The following CRTC1 variants were observed in gnomAD, a reference collection of about 807,000 sequenced individuals.
CRTC1 encodes CREB-regulated transcription coactivator 1.
Under a neutral mutation model 66.1 loss-of-function variants are expected in CRTC1, and 18 were observed. The ratio of observed to expected loss-of-function variants is 0.27; its 90% CI spans 0.19 to 0.40. CRTC1 has a LOEUF of 0.40. CRTC1 is among the 10% of genes least tolerant of loss of function. The pLI is 1.00. For synonymous variants in CRTC1, 416 were observed against 398.8 expected (o/e 1.04, Z -0.51); for missense variants, 669 against 887.9 (o/e 0.75, Z 3.13).
intron 1 of CRTC1, among the ~76,000 whole-genome samples, chr19:18,698,916 G>A (rs1461399469): frequency 6.6e-6 from 1 of 151,920 alleles, no homozygotes; most frequent in Non-Finnish European, 1.5e-5. Context: ...CTCAGCAGGT[G>A]CACAGTGTGT....
At chr19:18,753,390 C>T in intron 5 of CRTC1, 110 bp from the exon 6 acceptor site, 1 of 764,102 alleles carries the variant, frequency 1.3e-6, no homozygotes, top group South Asian at 1.7e-5. Context: ...CAGTTGCAGT[C>T]TTACCATGGC....
In CRTC1 at chr19:18,742,786, C is replaced by T. The variant is rs140868731; in HGVS notation, c.127-124C>T. 612 of 711,242 alleles carry T rather than the reference C, an allele frequency of 8.6e-4. No individual in the cohort carries two copies. The African/African-American group carries it at 9.2e-3, about 11-fold the overall frequency. 44.1% of individuals were successfully genotyped at this position (711,242 alleles called of 1,614,324 possible). A position where few individuals can be genotyped will look rare whatever the true frequency, so the allele number is the denominator to read the frequency against. ...CCTTAAGCATCTGGGTCATGAGGTC[C>T]TGCAAACTTCTGCACTTAGGCTGTC... On this transcript the variant is annotated intron_variant, in intron 1 of 13. Coordinates refer to ENST00000321949, the MANE Select transcript of CRTC1 (RefSeq NM_015321.3).
intron 1 of CRTC1, among the ~76,000 whole-genome samples, chr19:18,688,065 G>A (rs1400350385): frequency 6.6e-6 from 1 of 152,092 alleles, no homozygotes; most frequent in East Asian, 1.9e-4. Flanking sequence ...CAAGAGCCTG[G>A]GGTGCTGGGG....
chr19:18,694,599 A>T (rs972372469), intron 1 of CRTC1, among the ~76,000 whole-genome samples: 1 of 151,924 alleles, frequency 6.6e-6, no homozygotes, highest in African/African-American at 2.4e-5. Context: ...TGCCCGGCTA[A>T]TTTTTTTATT....
chr19:18,688,878 C>G (rs1020693820), intron 1 of CRTC1, among the ~76,000 whole-genome samples: 1 of 152,090 alleles, frequency 6.6e-6, no homozygotes, highest in African/African-American at 2.4e-5. Context: ...AGACCCTGTC[C>G]CCATCAACAG....
At position 18,745,926 on chromosome 19, in the gene CRTC1, G is replaced by A. The variant is rs761282462; in HGVS notation, c.347G>A (p.Arg116His). The A allele has an allele frequency of 6.2e-6, 10 of 1,612,408 alleles. No homozygotes were observed. The Admixed American group carries it at 6.7e-5, about 11-fold the overall frequency. The change falls in exon 3 of 14, where the codon CGC becomes CAC. Residue 116 changes from arginine (R) to histidine (H), a missense_variant. This residue lies in a region of CRTC1 where 214 missense variants were observed against 323.4 expected (regional missense o/e 0.66). Coordinates refer to ENST00000321949, the MANE Select transcript of CRTC1 (RefSeq NM_015321.3). ...RERGRLGSPH[R>H]RPLSVDKHGR... ...CGTGGCCGGCTCGGCTCCCCACACCGCCGGCCCCTGTCAGTGGACAAACAC... is the reference window on the plus strand; with the variant it reads ...CGTGGCCGGCTCGGCTCCCCACACCACCGGCCCCTGTCAGTGGACAAACAC...
chr19:18,708,464 G>A (rs1292413542), intron 1 of CRTC1, among the ~76,000 whole-genome samples: 1 of 152,178 alleles, frequency 6.6e-6, no homozygotes, highest in Non-Finnish European at 1.5e-5. Context: ...TCAGCATCAG[G>A]AAGATCATGG....
At chr19:18,720,384 C>T (rs371370330) in intron 1 of CRTC1, among the ~76,000 whole-genome samples, 1 of 151,974 alleles carries the variant, frequency 6.6e-6, no homozygotes, top group Non-Finnish European at 1.5e-5. Context: ...CAGTCTCGCT[C>T]TGTCACCCAG....
intron 9 of CRTC1, among the ~76,000 whole-genome samples, chr19:18,765,842 T>C (rs2054721345): frequency 3.3e-5 from 5 of 151,880 alleles, no homozygotes; most frequent in Admixed American, 3.3e-4. Context: ...GCGCCTGTGG[T>C]CCCAGCTACT....
In CRTC1 at chr19:18,747,129, A is replaced by ACCCCCCCCCCCCCC. The variant is rs56040769; in HGVS notation, c.443+25_443+26insCCCCCCCCCCCCCC. The stretch of plus-strand genomic sequence containing the variant: ...AGCTGGAGAAGGTCAGTGGCTGGAC[A>ACCCCCCCCCCCCCC]CCCCCCCCCCGCCCCCTTCTTGTTG... On this transcript the variant is annotated intron_variant, in intron 4 of 13. Transcript: ENST00000321949. 3.6e-5 allele frequency: 40 copies of ACCCCCCCCCCCCCC among 1,109,934 alleles called. No individual in the cohort carries two copies. The highest frequency in any genetic ancestry group is 5.4e-4 in the Middle Eastern group (2 of 3,712). 68.8% of individuals were successfully genotyped at this position (1,109,934 alleles called of 1,614,324 possible).
At chr19:18,734,428 A>G (rs2053954115) in intron 1 of CRTC1, among the ~76,000 whole-genome samples, 2 of 151,338 alleles carry the variant, frequency 1.3e-5, no homozygotes, top group African/African-American at 2.4e-5. Context: ...GGCCGGGCAC[A>G]GTGGCTTACA....
At chr19:18,756,646 C>G (rs1428226197) in intron 6 of CRTC1, among the ~76,000 whole-genome samples, 2 of 151,394 alleles carry the variant, frequency 1.3e-5, no homozygotes. Context: ...ACAAACAAAA[C>G]AAGAAAACAA....
chr19:18,760,761 C>T lies in CRTC1; in HGVS notation c.886+533C>T, dbSNP rs1186328367. ...CCAATAGCTCCTGGCGCTGCTGCCG[C>T]CCTGCTCCCCCGGGACCCCCCTCCT... On this transcript the variant is annotated intron_variant, in intron 8 of 13. Transcript: ENST00000321949. This position sits in a 1 kb window ranked among gnomAD's most constrained non-coding sequence, Gnocchi z 6.2. Among the ~76,000 whole-genome samples, 1 of 152,062 alleles carries T rather than the reference C, an allele frequency of 6.6e-6. No individual in the cohort carries two copies. The highest frequency in any genetic ancestry group is 2.4e-5 in the African/African-American group (1 of 41,364).
chr19:18,715,117 G>A (rs1318763688), intron 1 of CRTC1, among the ~76,000 whole-genome samples: 1 of 152,244 alleles, frequency 6.6e-6, no homozygotes, highest in Non-Finnish European at 1.5e-5. Context: ...CTCTAGGGGC[G>A]GATCCCTCCT....
intron 9 of CRTC1, 78 bp downstream of exon 9, chr19:18,765,606 C>T: frequency 1.4e-6 from 2 of 1,400,592 alleles, no homozygotes; most frequent in Admixed American, 2.2e-5. Context: ...TAGAAGGCCT[C>T]CTGTTCCTTC....
chr19:18,756,350 A>AG (rs2054487470), intron 6 of CRTC1, among the ~76,000 whole-genome samples: 1 of 150,562 alleles, frequency 6.6e-6, no homozygotes, highest in African/African-American at 2.4e-5. Flanking sequence ...AAAAAAAAAA[A>AG]AAAAACTCTA....
At chr19:18,696,091 C>T (rs187828304) in intron 1 of CRTC1, among the ~76,000 whole-genome samples, 24 of 152,248 alleles carry the variant, frequency 1.6e-4, no homozygotes, top group African/African-American at 5.1e-4. Context: ...CAGCTGGTGG[C>T]GTCCTCCCGG....
intron 2 of CRTC1, among the ~76,000 whole-genome samples, chr19:18,743,300 G>A (rs1313595695): frequency 6.6e-6 from 1 of 152,254 alleles, no homozygotes; most frequent in Non-Finnish European, 1.5e-5. Flanking sequence ...CCGGCTGTGC[G>A]GCAGCGGGAA....
At position 18,777,442 on chromosome 19, in the gene CRTC1, C is replaced by G. The variant is rs771213697; in HGVS notation, c.*60C>G. Reference sequence around the variant, plus strand: ...CGACGGCGCCTCCCCAGCCCGGGGACGGCCGTGCTCCGTCCCTCGCCAACG... The same window carrying G: ...CGACGGCGCCTCCCCAGCCCGGGGAGGGCCGTGCTCCGTCCCTCGCCAACG... On this transcript the variant is annotated 3_prime_UTR_variant, in exon 14 of 14. Coordinates refer to ENST00000321949, the MANE Select transcript of CRTC1 (RefSeq NM_015321.3). This position sits in a 1 kb window ranked among gnomAD's most constrained non-coding sequence, Gnocchi z 5.5. 2.0e-6 allele frequency: 3 copies of G among 1,465,890 alleles called. No homozygotes were observed. In the African/African-American group the frequency reaches 4.2e-5, roughly 20 times the overall value. 90.8% of individuals were successfully genotyped at this position (1,465,890 alleles called of 1,614,324 possible).
Sources: gnomAD v4.1 joint callset for allele counts (sites outside exome capture counted in the v4.1 genomes callset) on GRCh38, gnomAD v4.1.1 for gene constraint, gnomAD v4.1.1 regional missense constraint, Gnocchi (gnomAD v3.1) non-coding constraint, MANE v1.5 for transcripts, NCBI Gene and HGNC (gene_info 2026-07-23, HGNC 2026-07-21) for gene names.